Variants in FBXL17 observed in about 807,000 individuals in gnomAD.
The protein encoded by FBXL17 is F-box/LRR-repeat protein 17.
In FBXL17, 22 loss-of-function variants were observed where a neutral mutation model predicts 66.2. That is an observed-to-expected ratio of 0.33 (90% CI 0.24 to 0.47). FBXL17 has a LOEUF of 0.47. FBXL17 is among the 20% of genes least tolerant of loss of function. The pLI, the probability that FBXL17 is intolerant of heterozygous loss-of-function variation, is 1.00. For synonymous variants in FBXL17, 474 were observed against 400.5 expected (o/e 1.18, Z -2.19); for missense variants, 878 against 948.2 (o/e 0.93, Z 0.97).
At chr5:108,107,854 C>G (rs1204306245) in intron 6 of FBXL17, among the ~76,000 whole-genome samples, 5 of 151,672 alleles carry the variant, frequency 3.3e-5, no homozygotes. Flanking sequence ...AAAGAGAGAC[C>G]TCATTCTCAT....
chr5:107,921,880 A>G (rs530265748), intron 7 of FBXL17, among the ~76,000 whole-genome samples: 3 of 152,170 alleles, frequency 2.0e-5, no homozygotes, highest in South Asian at 2.1e-4. Context: ...TAAAGCTCAC[A>G]TTTTCTCTGC....
At chr5:108,175,771 C>T (rs549156544) in intron 6 of FBXL17, among the ~76,000 whole-genome samples, 1 of 152,296 alleles carries the variant, frequency 6.6e-6, no homozygotes, top group Admixed American at 6.5e-5. Flanking sequence ...GCAATTTCTC[C>T]TATGGTTAAG....
intron 3 of FBXL17, among the ~76,000 whole-genome samples, chr5:108,363,767 T>C (rs1409319364): frequency 6.6e-6 from 1 of 152,020 alleles, no homozygotes; most frequent in Non-Finnish European, 1.5e-5. Flanking sequence ...ATGAAATAGA[T>C]TTAATCCAGT....
At chr5:107,925,512 G>A (rs1315454925) in intron 7 of FBXL17, among the ~76,000 whole-genome samples, 6 of 152,190 alleles carry the variant, frequency 3.9e-5, no homozygotes, top group Non-Finnish European at 7.3e-5. Flanking sequence ...AGCATGCCTG[G>A]ATTGAATATG....
In FBXL17 at chr5:107,869,100, C is replaced by A. The variant is rs149314149; in HGVS notation, c.1966-7240G>T. ...AAGGCATCACAAATAGCACACTCAGCGCCTGCCTCCTAATTCAGGGCTTGG... is the reference window on the plus strand; with the variant it reads ...AAGGCATCACAAATAGCACACTCAGAGCCTGCCTCCTAATTCAGGGCTTGG... On this transcript the variant is annotated intron_variant, in intron 8 of 8. Transcript: ENST00000542267. Among the ~76,000 whole-genome samples, 98 of 152,296 alleles carry A rather than the reference C, an allele frequency of 6.4e-4. 1 individual carries two copies. Among genetic ancestry groups the A allele is most frequent in the African/African-American group, 2.1e-3 (86 of 41,570 alleles).
At chr5:107,984,489 C>T (rs1320588635) in intron 7 of FBXL17, among the ~76,000 whole-genome samples, 1 of 152,120 alleles carries the variant, frequency 6.6e-6, no homozygotes, top group Non-Finnish European at 1.5e-5. Context: ...AAGCCAGCCA[C>T]ACAACTTCAG....
At chr5:108,064,922 T>C (rs1030661023) in intron 6 of FBXL17, among the ~76,000 whole-genome samples, 5 of 152,124 alleles carry the variant, frequency 3.3e-5, no homozygotes, top group Admixed American at 6.5e-5. Context: ...GCTTTTTAAT[T>C]TTAGCTTTTT....
At position 108,381,677 on chromosome 5, in the gene FBXL17, G is replaced by A. The variant is rs1321256184; in HGVS notation, c.15C>T (p.Leu5=). 1 of 1,475,556 alleles carries A rather than the reference G, an allele frequency of 6.8e-7. No individual in the cohort carries two copies. The allele number at this position is 1,475,556 out of a possible 1,614,324, so 91.4% of individuals were successfully genotyped here. A position where few individuals can be genotyped will look rare whatever the true frequency, so the allele number is the denominator to read the frequency against. The change falls in exon 1 of 9, where the codon CTC becomes CTT. Residue 5 remains leucine, a synonymous_variant. Transcript: ENST00000542267. The stretch of plus-strand genomic sequence containing the variant: ...TCGGGCGGTTACGCGGCTCCTTCGA[G>A]AGAAGGTGGCCCATATAGAAGGCCC... The part of the protein sequence containing the change: MGHL[L]SKEPRNRPSQ...
At chr5:108,028,654 G>A (rs1450115857) in intron 6 of FBXL17, among the ~76,000 whole-genome samples, 1 of 152,070 alleles carries the variant, frequency 6.6e-6, no homozygotes, top group Non-Finnish European at 1.5e-5. Flanking sequence ...AAAGACTGAT[G>A]TTCAACACAG....
chr5:108,095,965 T>C (rs962966337), intron 6 of FBXL17, among the ~76,000 whole-genome samples: 2 of 152,162 alleles, frequency 1.3e-5, no homozygotes, highest in Admixed American at 1.3e-4. Flanking sequence ...GTTCTGTAAG[T>C]TTAAAATTCT....
chr5:108,249,078 A>G (rs11242664), intron 4 of FBXL17, among the ~76,000 whole-genome samples: 24,280 of 152,166 alleles, frequency 0.16, 1,974 homozygotes, highest in Admixed American at 0.17. Flanking sequence ...TTTGACATCA[A>G]GACAGTCAAG....
intron 1 of FBXL17, among the ~76,000 whole-genome samples, chr5:108,376,551 G>A (rs1444030506): frequency 5.3e-5 from 8 of 151,994 alleles, no homozygotes; most frequent in African/African-American, 1.7e-4. Flanking sequence ...AATTTGTTGG[G>A]TCAATGTCAT....
chr5:108,155,187 T>C (rs1034694224), intron 6 of FBXL17, among the ~76,000 whole-genome samples: 6 of 152,180 alleles, frequency 3.9e-5, no homozygotes, highest in East Asian at 3.9e-4. Flanking sequence ...ATACAGCAGG[T>C]TCTTACAGCT....
At chr5:107,924,619 T>C (rs1486733055) in intron 7 of FBXL17, among the ~76,000 whole-genome samples, 3 of 152,190 alleles carry the variant, frequency 2.0e-5, no homozygotes, top group African/African-American at 4.8e-5. Flanking sequence ...CTTTTTGTCA[T>C]ATTCACTATC....
chr5:108,375,183 G>A (rs1749334300), intron 1 of FBXL17, among the ~76,000 whole-genome samples: 1 of 152,116 alleles, frequency 6.6e-6, no homozygotes, highest in Non-Finnish European at 1.5e-5. Flanking sequence ...GCAAGACCCT[G>A]TCTCTACAAA....
rs1368107696 is a variant in FBXL17, at chr5:108,110,982, T to C, written c.1745+75135A>G. On this transcript the variant is annotated intron_variant, in intron 6 of 8. Transcript: ENST00000542267. ...ATTGAATAGTCCACATTCACCAGCATCAAGTCTCTTTTACTAGGACAATGG... is the reference window on the plus strand; with the variant it reads ...ATTGAATAGTCCACATTCACCAGCACCAAGTCTCTTTTACTAGGACAATGG... 2.0e-5 allele frequency among the ~76,000 whole-genome samples: 3 copies of C among 152,190 alleles called. No homozygotes were observed. The South Asian group carries it at 6.2e-4, about 31-fold the overall frequency.
chr5:108,272,652 C>A (rs1448794325), intron 4 of FBXL17, among the ~76,000 whole-genome samples: 1 of 152,116 alleles, frequency 6.6e-6, no homozygotes, highest in Non-Finnish European at 1.5e-5. Flanking sequence ...CCACACCCGG[C>A]CATTAGCTAC....
chr5:108,055,165 A>C (rs1360561195), intron 6 of FBXL17, among the ~76,000 whole-genome samples: 1 of 151,730 alleles, frequency 6.6e-6, no homozygotes, highest in Non-Finnish European at 1.5e-5. Flanking sequence ...TAAATAATAA[A>C]ATAACATTAT....
chr5:108,322,148 G>A (rs900877528), intron 4 of FBXL17, among the ~76,000 whole-genome samples: 2 of 151,842 alleles, frequency 1.3e-5, no homozygotes. Flanking sequence ...CAATATCTAC[G>A]AAAATCACAG....
Sources: gnomAD v4.1 joint callset for allele counts (sites outside exome capture counted in the v4.1 genomes callset) on GRCh38, gnomAD v4.1.1 for gene constraint, MANE v1.5 for transcripts, NCBI Gene and HGNC (gene_info 2026-07-23, HGNC 2026-07-21) for gene names.